The following ARHGAP32 variants were observed in gnomAD, a reference collection of about 807,000 sequenced individuals.
ARHGAP32 encodes Rho GTPase activating protein 32.
A neutral mutation model predicts 186.5 loss-of-function variants in ARHGAP32; 51 were observed. That is an observed-to-expected ratio of 0.27 (90% CI 0.22 to 0.35). The LOEUF (loss-of-function observed/expected upper bound fraction) is 0.35, where lower values mean the gene tolerates loss of function less well. Among genes scored for constraint, ARHGAP32 ranks in the 10% least tolerant of loss-of-function variants. ARHGAP32 has a pLI of 1.00. For synonymous variants in ARHGAP32, 950 were observed against 964.3 expected (o/e 0.99, Z 0.27); for missense variants, 2,186 against 2,623.5 (o/e 0.83, Z 3.64).
intron 11 of ARHGAP32, among the ~76,000 whole-genome samples, chr11:129,015,735 T>G (rs1938307871): frequency 6.6e-6 from 1 of 152,238 alleles, no homozygotes; most frequent in African/African-American, 2.4e-5. Flanking sequence ...TCCACGGCAC[T>G]TGTGGTTCAG....
intron 1 of ARHGAP32, among the ~76,000 whole-genome samples, chr11:129,222,559 AG>A (rs1944725637): frequency 6.6e-6 from 1 of 152,246 alleles, no homozygotes; most frequent in Non-Finnish European, 1.5e-5. Context: ...GGTTATATCC[AG>A]GGAATAAACT....
chr11:129,028,797 G>A (rs1264091837), intron 11 of ARHGAP32, among the ~76,000 whole-genome samples: 1 of 152,148 alleles, frequency 6.6e-6, no homozygotes, highest in African/African-American at 2.4e-5. Flanking sequence ...TGGAAGAAGT[G>A]GATTCTGGCC....
intron 2 of ARHGAP32, among the ~76,000 whole-genome samples, chr11:129,129,256 AG>A (rs1942748491): frequency 7.0e-6 from 1 of 142,098 alleles, no homozygotes; most frequent in Non-Finnish European, 1.6e-5. Context: ...GGAAGTGAGG[AG>A]CCCCTCCACC....
chr11:129,065,002 G>T, intron 7 of ARHGAP32, 69 bp from the exon 8 acceptor site: 4 of 1,257,888 alleles, frequency 3.2e-6, no homozygotes, highest in Non-Finnish European at 3.4e-6. Context: ...AAACTGGATG[G>T]TTTCTGGAAG....
intron 1 of ARHGAP32, among the ~76,000 whole-genome samples, chr11:129,225,012 G>A (rs1488527974): frequency 1.3e-5 from 2 of 152,018 alleles, no homozygotes; most frequent in Non-Finnish European, 2.9e-5. Context: ...TTGAGAGGCT[G>A]ACACAGGAGG....
chr11:129,122,523 A>G (rs1942556815), intron 5 of ARHGAP32, among the ~76,000 whole-genome samples: 3 of 152,158 alleles, frequency 2.0e-5, no homozygotes, highest in Admixed American at 1.3e-4. Context: ...TCTCAAGGAT[A>G]TACACACTAA....
At chr11:129,067,100 C>T (rs967821311) in intron 6 of ARHGAP32, among the ~76,000 whole-genome samples, 1 of 152,068 alleles carries the variant, frequency 6.6e-6, no homozygotes, top group Non-Finnish European at 1.5e-5. Flanking sequence ...CCTCTTCCTA[C>T]TGCTGGTCAA....
intron 1 of ARHGAP32, among the ~76,000 whole-genome samples, chr11:129,256,088 T>A (rs552789164): frequency 9.2e-5 from 14 of 152,180 alleles, no homozygotes; most frequent in African/African-American, 3.4e-4. Context: ...GACAAAAGAA[T>A]ATGTTCTGCG....
rs938502471 is a variant in ARHGAP32, at chr11:128,970,711, C to G, written c.4502G>C (p.Gly1501Ala). ...ATTGAAATGCAAACAGTTATCTGGA[C>G]CAAAGGGTTCAGTGGTGACATCGGG... ...ARPDVTTEPF[G>A]PDNCLHFNMT... is the part of the protein sequence containing the mutation. The change falls in exon 23 of 23, where the codon GGT becomes GCT. Residue 1501 changes from glycine to alanine, a missense_variant. Coordinates refer to ENST00000682385, the MANE Select transcript of ARHGAP32 (RefSeq NM_001378024.1). The surrounding 1 kb of genome is among the most constrained non-coding windows in gnomAD (Gnocchi z 5.8). 1.9e-6 allele frequency: 3 copies of G among 1,614,068 alleles called. No individual in the cohort carries two copies. Among genetic ancestry groups the G allele is most frequent in the Non-Finnish European group, 2.5e-6 (3 of 1,180,008 alleles).
intron 1 of ARHGAP32, among the ~76,000 whole-genome samples, chr11:129,235,013 TTTAAG>T (rs1413244683): frequency 6.6e-6 from 1 of 152,160 alleles, no homozygotes; most frequent in Non-Finnish European, 1.5e-5. Context: ...ACTTTACAAA[TTTAAG>T]TTAAGGATCT....
At position 129,262,182 on chromosome 11, in the gene ARHGAP32, C is replaced by CA. The variant is rs199994880; in HGVS notation, c.-5+16963dup. Among the ~76,000 whole-genome samples, 84 of 150,874 alleles carry CA rather than the reference C, an allele frequency of 5.6e-4. No homozygotes were observed. In the East Asian group the frequency reaches 0.014, roughly 24 times the overall value. ...AAACTTTTAATTTTTCCTCATGCGC[C>CA]AAAAAAAAAGTCTGTATTATCTTCA... On this transcript the variant is annotated intron_variant, in intron 1 of 6. Transcript: ENST00000525234.
intron 1 of ARHGAP32, among the ~76,000 whole-genome samples, chr11:129,244,986 T>G (rs1464739988): frequency 6.6e-6 from 1 of 151,796 alleles, no homozygotes; most frequent in African/African-American, 2.4e-5. Flanking sequence ...TAGGAACACT[T>G]TTACACTGTT....
chr11:129,097,562 G>C (rs1941768837), intron 5 of ARHGAP32, among the ~76,000 whole-genome samples: 1 of 152,082 alleles, frequency 6.6e-6, no homozygotes, highest in Non-Finnish European at 1.5e-5. Flanking sequence ...AGGCAGATTT[G>C]AGCAGGCAGA....
intron 11 of ARHGAP32, among the ~76,000 whole-genome samples, chr11:129,022,391 G>C (rs1938635385): frequency 6.6e-6 from 1 of 152,168 alleles, no homozygotes. Context: ...TGTTTTGCAG[G>C]AAGTAGAGGG....
At chr11:129,026,489 T>A (rs1938853405) in intron 11 of ARHGAP32, among the ~76,000 whole-genome samples, 1 of 151,962 alleles carries the variant, frequency 6.6e-6, no homozygotes, top group Admixed American at 6.6e-5. Context: ...TTCTAATCAT[T>A]CTATCATAAA....
Position 128,978,859 on chromosome 11 carries a change from A to C in ARHGAP32, c.2033T>G (p.Phe678Cys). The C allele has an allele frequency of 6.2e-7, 1 of 1,611,550 alleles. No homozygotes were observed. The highest frequency in any genetic ancestry group is 8.5e-7 in the Non-Finnish European group (1 of 1,178,890). Residue 678 changes from phenylalanine (F) to cysteine (C), a missense_variant, in exon 19 of 23, where the codon TTC becomes TGC. This residue lies in a region of ARHGAP32 where 263 missense variants were observed against 323.5 expected (regional missense o/e 0.81). Coordinates refer to ENST00000682385, the MANE Select transcript of ARHGAP32 (RefSeq NM_001378024.1). The part of the protein sequence containing the change: ...KSPVGSWRSF[F>C]NLGKSSSVSK... ...AACAGATGATGATTTCCCCAAGTTG[A>C]AAAAGGAACGCCAGCTACCCACAGG...
chr11:129,214,921 T>C (rs1944626872), intron 1 of ARHGAP32, among the ~76,000 whole-genome samples: 1 of 152,146 alleles, frequency 6.6e-6, no homozygotes. Flanking sequence ...TGTTTTTCAA[T>C]AAAACTTTAT....
intron 5 of ARHGAP32, among the ~76,000 whole-genome samples, chr11:129,121,564 C>T (rs1942530355): frequency 6.6e-6 from 1 of 152,018 alleles, no homozygotes; most frequent in Admixed American, 6.6e-5. Flanking sequence ...TTTGAACCAC[C>T]CCTATCTTCC....
chr11:129,225,923 A>T (rs1944775266), intron 1 of ARHGAP32, among the ~76,000 whole-genome samples: 1 of 152,206 alleles, frequency 6.6e-6, no homozygotes, highest in African/African-American at 2.4e-5. Flanking sequence ...AAAAGCTATA[A>T]GAACCAAACG....
Sources: gnomAD v4.1 joint callset for allele counts (sites outside exome capture counted in the v4.1 genomes callset) on GRCh38, gnomAD v4.1.1 for gene constraint, gnomAD v4.1.1 regional missense constraint, Gnocchi (gnomAD v3.1) non-coding constraint, MANE v1.5 for transcripts, NCBI Gene and HGNC (gene_info 2026-07-23, HGNC 2026-07-21) for gene names.